The following ZNF148 variants were observed in gnomAD, a reference collection of about 807,000 sequenced individuals.
The protein encoded by ZNF148 is Beta-Enolase Repressor Factor-1.
Under a neutral mutation model 67.7 loss-of-function variants are expected in ZNF148, and 7 were observed. The ratio of observed to expected loss-of-function variants is 0.10; its 90% CI spans 0.06 to 0.19. The LOEUF (loss-of-function observed/expected upper bound fraction) is 0.19. ZNF148 is among the 10% of genes least tolerant of loss of function. ZNF148 has a pLI of 1.00. For missense variants in ZNF148, 583 were observed against 947.1 expected (o/e 0.62, Z 5.05); for synonymous variants, 333 against 330.7 (o/e 1.01, Z -0.08).
intron 5 of ZNF148, among the ~76,000 whole-genome samples, chr3:125,287,874 A>T (rs1938782296): frequency 6.6e-6 from 1 of 152,206 alleles, no homozygotes; most frequent in Non-Finnish European, 1.5e-5. Context: ...CATCCGATAG[A>T]GATATGGAAA....
In ZNF148 at chr3:125,269,195, C is replaced by T. The variant is rs180916595; in HGVS notation, c.667+8531G>A. ...CCAGCCTGGGCAACATGGTGAAGCC[C>T]GGTCTCTACCAAAAAAAAAAAAAAA... is the stretch of plus-strand genomic sequence containing the variant. On this transcript the variant is annotated intron_variant, in intron 7 of 8. Coordinates refer to ENST00000360647, the MANE Select transcript of ZNF148 (RefSeq NM_021964.3). Among the ~76,000 whole-genome samples, 78 of 120,870 alleles carry T rather than the reference C, an allele frequency of 6.5e-4. No individual in the cohort carries two copies. The East Asian group carries it at 0.012, about 18-fold the overall frequency. The allele number at this position is 120,870 out of a possible 152,430, so 79.3% of individuals were successfully genotyped here.
intron 7 of ZNF148, among the ~76,000 whole-genome samples, chr3:125,252,098 G>T (rs1405828727): frequency 6.6e-6 from 1 of 152,154 alleles, no homozygotes; most frequent in Non-Finnish European, 1.5e-5. Flanking sequence ...TTTCTGTGAA[G>T]TGTCTATTCA....
At chr3:125,264,587 A>G (rs964009171) in intron 7 of ZNF148, among the ~76,000 whole-genome samples, 1 of 152,152 alleles carries the variant, frequency 6.6e-6, no homozygotes, top group African/African-American at 2.4e-5. Flanking sequence ...ACCATGTAGG[A>G]TTTCATTTGA....
intron 3 of ZNF148, among the ~76,000 whole-genome samples, chr3:125,318,949 G>A (rs1215888902): frequency 6.6e-6 from 1 of 151,874 alleles, no homozygotes; most frequent in East Asian, 1.9e-4. Context: ...GGTATCTAGG[G>A]GGCCACAACA....
chr3:125,293,277 C>T (rs1175655443), intron 4 of ZNF148, among the ~76,000 whole-genome samples: 2 of 152,116 alleles, frequency 1.3e-5, no homozygotes, highest in Admixed American at 1.3e-4. Flanking sequence ...CTCTCTTTCA[C>T]TCAATCTCTT....
chr3:125,331,377 A>G lies in ZNF148; in HGVS notation c.-233-139T>C, dbSNP rs1169603426. 2.0e-5 allele frequency: 8 copies of G among 394,538 alleles called. No individual in the cohort carries two copies. In the East Asian group the frequency reaches 2.9e-4, roughly 14 times the overall value. 24.4% of individuals were successfully genotyped at this position (394,538 alleles called of 1,614,324 possible). A position where few individuals can be genotyped will look rare whatever the true frequency, so the allele number is the denominator to read the frequency against. ...TTCCATGGTAGATACTGTTAGAGTA[A>G]ATAAAATTAGTAACAACTAACACTT... On this transcript the variant is annotated intron_variant, in intron 1 of 8. Transcript: ENST00000360647.
chr3:125,246,637 A>G (rs1384217514), intron 7 of ZNF148, among the ~76,000 whole-genome samples: 1 of 152,218 alleles, frequency 6.6e-6, no homozygotes, highest in African/African-American at 2.4e-5. Context: ...TATTAAGAAC[A>G]GGAATGAGGA....
chr3:125,353,505 T>C (rs1942231309), intron 1 of ZNF148, among the ~76,000 whole-genome samples: 1 of 152,224 alleles, frequency 6.6e-6, no homozygotes, highest in Non-Finnish European at 1.5e-5. Flanking sequence ...GTCAATTTCC[T>C]AGTTTTGATG....
rs185195985 is a variant in ZNF148, at chr3:125,309,212, C to T, written c.333+4096G>A. On this transcript the variant is annotated intron_variant, in intron 4 of 8. Transcript: ENST00000360647. ...CTGAACTACAAACTCAGAATCTGAA[C>T]ATTTCACTTTAAACTTTTCCTCAAT... Among the ~76,000 whole-genome samples, 22 of 152,270 alleles carry T rather than the reference C, an allele frequency of 1.4e-4. No individual in the cohort carries two copies. The East Asian group carries it at 4.2e-3, about 29-fold the overall frequency.
At chr3:125,287,499 C>T (rs938232005) in intron 5 of ZNF148, among the ~76,000 whole-genome samples, 2 of 152,094 alleles carry the variant, frequency 1.3e-5, no homozygotes, top group African/African-American at 2.4e-5. Context: ...ATTAGCCAGG[C>T]ATGTTGGCAC....
intron 7 of ZNF148, among the ~76,000 whole-genome samples, chr3:125,277,369 T>C (rs536882840): frequency 2.0e-5 from 3 of 152,188 alleles, no homozygotes; most frequent in Non-Finnish European, 4.4e-5. Flanking sequence ...GAATGAATTG[T>C]ACTGCTGCTT....
intron 8 of ZNF148, 38 bp downstream of exon 8, chr3:125,234,168 ATAATT>A: frequency 3.7e-6 from 5 of 1,351,816 alleles, no homozygotes; most frequent in Non-Finnish European, 5.2e-6. Context: ...TAATTATTGT[ATAATT>A]TAATTACAGT....
chr3:125,356,896 T>C (rs1343219173), intron 1 of ZNF148: 1 of 152,230 alleles, frequency 6.6e-6, no homozygotes, highest in African/African-American at 2.4e-5. Flanking sequence ...GCAGGGTTTT[T>C]TAATATAAGG....
intron 2 of ZNF148, among the ~76,000 whole-genome samples, chr3:125,328,998 G>GATATATATATAT (rs10565589): frequency 1.4e-5 from 2 of 147,426 alleles, no homozygotes; most frequent in African/African-American, 5.0e-5. Flanking sequence ...TTATACTACT[G>GATATATATATAT]ATATATATAT....
intron 4 of ZNF148, among the ~76,000 whole-genome samples, chr3:125,293,485 T>C (rs72973843): frequency 2.6e-5 from 4 of 152,160 alleles, no homozygotes; most frequent in Non-Finnish European, 5.9e-5. Flanking sequence ...CAGAGTTCTC[T>C]GAGAAGTGGT....
chr3:125,356,636 T>C (rs1382198478), intron 1 of ZNF148, among the ~76,000 whole-genome samples: 3 of 152,202 alleles, frequency 2.0e-5, no homozygotes, highest in African/African-American at 7.2e-5. Context: ...AATCACACCA[T>C]GCCTAATTTT....
intron 7 of ZNF148, among the ~76,000 whole-genome samples, chr3:125,256,285 G>A (rs1414882791): frequency 8.8e-5 from 13 of 148,370 alleles, no homozygotes; most frequent in Admixed American, 2.7e-4. Context: ...GGAGAATGGC[G>A]TGAACCCAGG....
chr3:125,246,484 T>C (rs1230677457), intron 7 of ZNF148, among the ~76,000 whole-genome samples: 1 of 148,040 alleles, frequency 6.8e-6, no homozygotes, highest in Non-Finnish European at 1.5e-5. Context: ...GTATTTAAAC[T>C]TCTACGACTT....
intron 4 of ZNF148, among the ~76,000 whole-genome samples, chr3:125,297,116 C>T (rs1939324377): frequency 9.7e-6 from 1 of 102,998 alleles, no homozygotes. Flanking sequence ...TAGCACAAAT[C>T]CTTACCATTA....
Sources: allele counts gnomAD v4.1 joint callset (sites outside exome capture counted in the v4.1 genomes callset), GRCh38; gene constraint gnomAD v4.1.1; transcripts MANE v1.5; gene names NCBI Gene and HGNC (gene_info 2026-07-23, HGNC 2026-07-21).